The following DCHS2 variants were observed in gnomAD, a reference collection of about 807,000 sequenced individuals.
The protein encoded by DCHS2 is protocadherin-23.
Under a neutral mutation model 182.4 loss-of-function variants are expected in DCHS2, and 142 were observed. The observed-to-expected ratio is 0.78, with a 90% CI of 0.68 to 0.89. The LOEUF (loss-of-function observed/expected upper bound fraction) is 0.89, where lower values mean the gene tolerates loss of function less well. Among genes scored for constraint, DCHS2 ranks in the 40% least tolerant of loss-of-function variants. The pLI is 0.00. For synonymous variants in DCHS2, 1,740 were observed against 1,663.3 expected, an observed-to-expected ratio of 1.05 and a Z score of -1.12; for missense variants, 4,319 against 4,198.6, an observed-to-expected ratio of 1.03 and a Z score of -0.79.
rs564729367 is a variant in DCHS2 at position 154,458,539 on chromosome 4, C to A, written c.2052+30765G>T. Among the ~76,000 whole-genome samples, 3 of 152,148 alleles carry A rather than the reference C, an allele frequency of 2.0e-5. No homozygotes were observed. In the East Asian group the frequency reaches 5.8e-4, roughly 29 times the overall value. On this transcript the variant is annotated intron_variant, in intron 1 of 19. Transcript: ENST00000357232. ...AGTTAAAAAGGGAATGATTGTCTGG[C>A]CAAGTCAGGACTCATGAAATTCTAA... is the stretch of plus-strand genomic sequence containing the variant.
intron 1 of DCHS2, among the ~76,000 whole-genome samples, chr4:154,471,786 C>G (rs1168895731): frequency 6.6e-6 from 1 of 151,918 alleles, no homozygotes; most frequent in African/African-American, 2.4e-5. Flanking sequence ...AGTAATTGTT[C>G]ATGCAAATCT....
At chr4:154,288,163 T>C (rs1319549034) in intron 13 of DCHS2, among the ~76,000 whole-genome samples, 1 of 152,060 alleles carries the variant, frequency 6.6e-6, no homozygotes, top group Non-Finnish European at 1.5e-5. Flanking sequence ...GACACAATGG[T>C]CTTTTGCCTA....
intron 3 of DCHS2, among the ~76,000 whole-genome samples, chr4:154,338,868 T>A (rs1392778097): frequency 1.3e-5 from 2 of 152,184 alleles, no homozygotes; most frequent in Non-Finnish European, 2.9e-5. Context: ...GAAAAAATAA[T>A]GTCAATACTA....
chr4:154,356,693 T>C (rs967561660), intron 3 of DCHS2, among the ~76,000 whole-genome samples: 20 of 152,286 alleles, frequency 1.3e-4, no homozygotes, highest in South Asian at 4.1e-4. Context: ...ACATGCTGCA[T>C]AGGTTTGTAG....
chr4:154,294,297 G>A (rs561653876), intron 13 of DCHS2, among the ~76,000 whole-genome samples: 3 of 152,256 alleles, frequency 2.0e-5, no homozygotes, highest in East Asian at 3.9e-4. Flanking sequence ...CATATAATAG[G>A]AAGTATGTTG....
At chr4:154,289,316 C>T (rs1212460939) in intron 13 of DCHS2, among the ~76,000 whole-genome samples, 1 of 151,830 alleles carries the variant, frequency 6.6e-6, no homozygotes, top group African/African-American at 2.4e-5. Context: ...CAATTATACA[C>T]CAATAAATTA....
At chr4:154,392,167 CAT>C (rs756084672) in intron 1 of DCHS2, among the ~76,000 whole-genome samples, 2 of 152,168 alleles carry the variant, frequency 1.3e-5, no homozygotes, top group African/African-American at 2.4e-5. Flanking sequence ...TTGAAATGCC[CAT>C]GAAGTCCAGA....
chr4:154,371,082 G>T (rs1024086798), intron 2 of DCHS2, among the ~76,000 whole-genome samples: 6 of 152,104 alleles, frequency 3.9e-5, no homozygotes, highest in African/African-American at 1.4e-4. Flanking sequence ...AGAGGCTCAG[G>T]GTGCTGGGTT....
intron 13 of DCHS2, among the ~76,000 whole-genome samples, chr4:154,287,977 T>G (rs1356040676): frequency 6.6e-6 from 1 of 152,112 alleles, no homozygotes; most frequent in East Asian, 1.9e-4. Flanking sequence ...AAAACCGCCT[T>G]CACTAAAACG....
chr4:154,485,252 C>T (rs536772717), intron 1 of DCHS2, among the ~76,000 whole-genome samples: 7 of 152,034 alleles, frequency 4.6e-5, no homozygotes, highest in Non-Finnish European at 8.8e-5. Context: ...AATTGGCAAG[C>T]GAGAGGCAGA....
At chr4:154,283,182 A>T (rs1734232491) in intron 13 of DCHS2, among the ~76,000 whole-genome samples, 1 of 152,174 alleles carries the variant, frequency 6.6e-6, no homozygotes. Context: ...TAACACAATA[A>T]AAAAAGAAGA....
chr4:154,414,977 G>A (rs1433792201), intron 1 of DCHS2, among the ~76,000 whole-genome samples: 1 of 152,114 alleles, frequency 6.6e-6, no homozygotes. Flanking sequence ...GTGATGCCGC[G>A]GCTACAGCTC....
At chr4:154,465,408 T>G (rs1346744285) in intron 1 of DCHS2, among the ~76,000 whole-genome samples, 1 of 152,102 alleles carries the variant, frequency 6.6e-6, no homozygotes. Flanking sequence ...GTGGCTCACG[T>G]CTGTAATCCT....
chr4:154,260,327 C>T (rs1732929642), intron 14 of DCHS2, among the ~76,000 whole-genome samples: 1 of 152,098 alleles, frequency 6.6e-6, no homozygotes, highest in African/African-American at 2.4e-5. Context: ...CTATCTCTCT[C>T]CATATTTACC....
chr4:154,422,312 A>G (rs1410485813), intron 1 of DCHS2, among the ~76,000 whole-genome samples: 1 of 152,210 alleles, frequency 6.6e-6, no homozygotes, highest in Admixed American at 6.5e-5. Context: ...ACTCTTCAGC[A>G]TCTTCACTTG....
At chr4:154,365,794 G>T (rs986859451) in intron 3 of DCHS2, among the ~76,000 whole-genome samples, 8 of 151,094 alleles carry the variant, frequency 5.3e-5, no homozygotes, top group Non-Finnish European at 1.0e-4. Flanking sequence ...GATTACAGGC[G>T]CCCACCACCA....
chr4:154,243,574 A>G (rs980291546), intron 16 of DCHS2, among the ~76,000 whole-genome samples: 6 of 152,100 alleles, frequency 3.9e-5, no homozygotes, highest in Non-Finnish European at 8.8e-5. Context: ...GCCCTCATGT[A>G]TGGTAATCAG....
At chr4:154,452,178 G>A (rs1734562362) in intron 1 of DCHS2, among the ~76,000 whole-genome samples, 1 of 151,978 alleles carries the variant, frequency 6.6e-6, no homozygotes, top group East Asian at 1.9e-4. Flanking sequence ...CATACAGCTT[G>A]ATACTATAGT....
In DCHS2 at chr4:154,490,382, A is replaced by T; in HGVS notation, c.974T>A (p.Leu325Gln). The T allele has an allele frequency of 6.5e-7, 1 of 1,534,700 alleles. No individual in the cohort carries two copies. The highest frequency in any genetic ancestry group is 8.7e-7 in the Non-Finnish European group (1 of 1,144,724). Residue 325 changes from leucine to glutamine, a missense_variant, in exon 1 of 20, where the codon CTG becomes CAG. Coordinates refer to ENST00000357232, the MANE Select transcript of DCHS2 (RefSeq NM_001358235.2). The stretch of plus-strand genomic sequence containing the variant: ...GTAGCGCACGAAGCCATTGGGCCCC[A>T]GGTCGCGGTCGGTGGCGCGCACGCG... ...VCRVRATDRD[L>Q]GPNGFVRYSV... is the part of the protein sequence containing the mutation.
Sources: gnomAD v4.1 joint callset for allele counts (sites outside exome capture counted in the v4.1 genomes callset) on GRCh38, gnomAD v4.1.1 for gene constraint, MANE v1.5 for transcripts, NCBI Gene and HGNC (gene_info 2026-07-23, HGNC 2026-07-21) for gene names.